AQP1: variants seen among roughly 807,000 people sequenced by gnomAD.
AQP1 encodes aquaporin 1 (Colton blood group).
A neutral mutation model predicts 19.7 loss-of-function variants in AQP1; 11 were observed. That is an observed-to-expected ratio of 0.56 (90% confidence interval 0.35 to 0.92). The LOEUF (loss-of-function observed/expected upper bound fraction) is 0.92, where lower values mean the gene tolerates loss of function less well. AQP1 is among the 40% of genes least tolerant of loss of function. The probability of loss-of-function intolerance (pLI) is 0.01; values close to 1 mark genes in which losing one functional copy is unlikely to be tolerated. For synonymous variants in AQP1, 159 were observed against 166.7 expected (o/e 0.95, Z 0.36); for missense variants, 320 against 369.7 (o/e 0.87, Z 1.10).
chr7:30,916,878 G>A (rs1734271293), intron 1 of AQP1, among the ~76,000 whole-genome samples: 1 of 152,116 alleles, frequency 6.6e-6, no homozygotes, highest in South Asian at 2.1e-4. Context: ...CTGGTGAGGA[G>A]GCTGCTTTGG....
chr7:30,924,160 G>A lies in AQP1; in HGVS notation c.*531G>A, dbSNP rs1180701380. Reference sequence around the variant, plus strand: ...CTGCTTGCTCCCAAGCCCCTGACCCGCTCGGACTTACTGCCTGACCTTGGA... The same window carrying A: ...CTGCTTGCTCCCAAGCCCCTGACCCACTCGGACTTACTGCCTGACCTTGGA... On this transcript the variant is annotated 3_prime_UTR_variant, in exon 4 of 4. Transcript: ENST00000311813. 10 of 1,160,176 alleles carry A rather than the reference G, an allele frequency of 8.6e-6. No homozygotes were observed. The highest frequency in any genetic ancestry group is 5.6e-5 in the East Asian group (1 of 17,822). 71.9% of individuals were successfully genotyped at this position (1,160,176 alleles called of 1,614,324 possible). A position where few individuals can be genotyped will look rare whatever the true frequency, so the allele number is the denominator to read the frequency against.
rs1210289359 is a variant in AQP1, at chr7:30,925,097, A to G, written c.*1468A>G. ...GAGACACAATTACGCAGGTATTTAG[A>G]AGCAGAGGGACAACCAGAAGGCCCT... On this transcript the variant is annotated 3_prime_UTR_variant, in exon 4 of 4. Transcript: ENST00000311813. 6.6e-6 allele frequency: 1 copy of G among 152,278 alleles called. No individual in the cohort carries two copies. The highest frequency in any genetic ancestry group is 1.5e-5 in the Non-Finnish European group (1 of 68,068). The allele number at this position is 152,278 out of a possible 1,614,324, so 9.4% of individuals were successfully genotyped here. A position where few individuals can be genotyped will look rare whatever the true frequency, so the allele number is the denominator to read the frequency against.
At position 30,924,274 on chromosome 7, in the gene AQP1, A is replaced by G. The variant is rs11537659; in HGVS notation, c.*645A>G. On this transcript the variant is annotated 3_prime_UTR_variant, in exon 4 of 4. Transcript: ENST00000311813. ...TACAGGCCTGCAGCCCCTAAGTGCA[A>G]ACACAGCATGGGTCCAGAAGACGTG... The G allele has an allele frequency of 0.12, 41,404 of 333,492 alleles. 5,645 individuals are homozygous for G. The highest frequency in any genetic ancestry group is 0.43 in the African/African-American group (20,036 of 46,874). The allele number at this position is 333,492 out of a possible 1,614,324, so 20.7% of individuals were successfully genotyped here.
intron 1 of AQP1, among the ~76,000 whole-genome samples, chr7:30,918,267 C>T (rs1157481378): frequency 1.3e-5 from 2 of 152,220 alleles, no homozygotes; most frequent in Non-Finnish European, 2.9e-5. Context: ...GCTGGGATTA[C>T]AGGCGTGAGC....
intron 1 of AQP1, among the ~76,000 whole-genome samples, chr7:30,918,892 G>A (rs1372028482): frequency 6.6e-6 from 1 of 152,228 alleles, no homozygotes; most frequent in East Asian, 1.9e-4. Flanking sequence ...TGTGAGTGTA[G>A]GGTGGCACAG....
At chr7:30,921,334 G>C in intron 1 of AQP1, 3 of 1,354,690 alleles carry the variant, frequency 2.2e-6, no homozygotes, top group African/African-American at 2.9e-5. Context: ...CAGCCAGACG[G>C]TGGTGGCGGG....
Position 30,924,922 on chromosome 7 carries a change from A to T in AQP1, c.*1293A>T, listed in dbSNP as rs1454860434. On this transcript the variant is annotated 3_prime_UTR_variant, in exon 4 of 4. Transcript: ENST00000311813. Reference sequence around the variant, plus strand: ...GAGGGGAGAGGTCAGCCTTGACCTAATGAGGTAGCTATAGTTGCAGCCCAA... The same window carrying T: ...GAGGGGAGAGGTCAGCCTTGACCTATTGAGGTAGCTATAGTTGCAGCCCAA... The T allele has an allele frequency of 6.6e-6, 1 of 152,044 alleles. No homozygotes were observed. Among genetic ancestry groups the T allele is most frequent in the African/African-American group, 2.4e-5 (1 of 41,306 alleles). 9.4% of individuals were successfully genotyped at this position (152,044 alleles called of 1,614,324 possible).
Position 30,922,629 on chromosome 7 carries a change from C to A in AQP1, c.615C>A (p.Asn205Lys), listed in dbSNP as rs1481500259. 1 of 1,614,182 alleles carries A rather than the reference C, an allele frequency of 6.2e-7. No homozygotes were observed. Among genetic ancestry groups the A allele is most frequent in the Admixed American group, 1.7e-5 (1 of 60,030 alleles). The change falls in exon 3 of 4, where the codon AAC becomes AAA. Residue 205 changes from asparagine to lysine, a missense_variant. Asn to Lys is a moderately conservative substitution (Grantham distance 94). Transcript: ENST00000311813. ...TTGGCTCCGCGGTGATCACACACAA[C>A]TTCAGCAACCACTGGGTAGGAGACC... ...RSFGSAVITH[N>K]FSNHWIFWVG...
chr7:30,920,311 C>T (rs1369268314), intron 1 of AQP1, among the ~76,000 whole-genome samples: 1 of 152,158 alleles, frequency 6.6e-6, no homozygotes, highest in Non-Finnish European at 1.5e-5. Context: ...CCTGAGGGCT[C>T]AGATACAGAG....
chr7:30,913,871 G>A (rs1008941022), intron 1 of AQP1, among the ~76,000 whole-genome samples: 4 of 152,166 alleles, frequency 2.6e-5, no homozygotes, highest in African/African-American at 9.7e-5. Flanking sequence ...TTGCCAGTGG[G>A]TGCAGAGCTT....
chr7:30,918,204 G>C (rs1213209355), intron 1 of AQP1, among the ~76,000 whole-genome samples: 2 of 152,158 alleles, frequency 1.3e-5, no homozygotes, highest in African/African-American at 4.8e-5. Flanking sequence ...GTGTTAGCCA[G>C]GATGGTCTCG....
intron 1 of AQP1, among the ~76,000 whole-genome samples, chr7:30,914,618 G>C (rs887685944): frequency 6.6e-6 from 1 of 152,218 alleles, no homozygotes; most frequent in South Asian, 2.1e-4. Context: ...GGGCCTCAGG[G>C]GTGGCCTGGA....
intron 1 of AQP1, chr7:30,921,691 G>A: frequency 7.7e-6 from 12 of 1,551,054 alleles, no homozygotes; most frequent in Non-Finnish European, 1.0e-5. Context: ...GAGTGCTCCT[G>A]ACCATCACCT....
rs562996959 is a variant in AQP1 at position 30,915,596 on chromosome 7, C to T, written c.384+3303C>T. Among the ~76,000 whole-genome samples the T allele has an allele frequency of 3.9e-5, 6 of 152,104 alleles. No individual in the cohort carries two copies. In the South Asian group the frequency reaches 6.2e-4, roughly 16 times the overall value. On this transcript the variant is annotated intron_variant, in intron 1 of 3. Transcript: ENST00000311813. ...CAGGATTCGGGCCAGGGGCTGCATC[C>T]GGGGGAAGGGGTCTGGATTCCCAGA... is the stretch of plus-strand genomic sequence containing the variant.
chr7:30,920,563 C>T (rs544771119), intron 1 of AQP1, among the ~76,000 whole-genome samples: 21 of 152,360 alleles, frequency 1.4e-4, no homozygotes, highest in African/African-American at 3.8e-4. Context: ...AGCCCTGAGA[C>T]GGCCCCTTTG....
chr7:30,912,068 G>T lies in AQP1; in HGVS notation c.159G>T (p.Ser53=), dbSNP rs200596948. The change falls in exon 1 of 4, where the codon TCG becomes TCT. Residue 53 remains serine, a synonymous_variant. Coordinates refer to ENST00000311813, the MANE Select transcript of AQP1 (RefSeq NM_198098.4). This position sits in a 1 kb window ranked among gnomAD's most constrained non-coding sequence, Gnocchi z 4.3. ...CGGTCCAGGACAACGTGAAGGTGTC[G>T]CTGGCCTTCGGGCTGAGCATCGCCA... ...QTAVQDNVKV[S]LAFGLSIATL... 1.2e-6 allele frequency: 2 copies of T among 1,613,430 alleles called. No homozygotes were observed. The highest frequency in any genetic ancestry group is 1.7e-6 in the Non-Finnish European group (2 of 1,180,040).
At chr7:30,918,815 C>T (rs1791423401) in intron 1 of AQP1, among the ~76,000 whole-genome samples, 1 of 152,242 alleles carries the variant, frequency 6.6e-6, no homozygotes, top group Non-Finnish European at 1.5e-5. Context: ...CTTCTGCCAG[C>T]TCCCAAGTCC....
Position 30,924,348 on chromosome 7 carries a change from G to T in AQP1, c.*719G>T. ...CACTTGCCCTGTGTTCTTTCCCCAG[G>T]GGCATGACTGTCGCCACACGCCTCT... On this transcript the variant is annotated 3_prime_UTR_variant, in exon 4 of 4. Transcript: ENST00000311813. 5.5e-6 allele frequency: 1 copy of T among 181,338 alleles called. No individual in the cohort carries two copies. Among genetic ancestry groups the T allele is most frequent in the Non-Finnish European group, 1.2e-5 (1 of 85,122 alleles). The allele number at this position is 181,338 out of a possible 1,614,324, so 11.2% of individuals were successfully genotyped here.
intron 1 of AQP1, chr7:30,921,717 GC>G (rs1562580010): frequency 6.4e-7 from 1 of 1,550,968 alleles, no homozygotes; most frequent in East Asian, 2.4e-5. Context: ...CCTGGGGCTC[GC>G]CCCTTGCCTC....
Sources: allele counts gnomAD v4.1 joint callset (sites outside exome capture counted in the v4.1 genomes callset), GRCh38; gene constraint gnomAD v4.1.1; non-coding constraint Gnocchi (gnomAD v3.1); transcripts MANE v1.5; gene names NCBI Gene and HGNC (gene_info 2026-07-23, HGNC 2026-07-21).